The following IL18R1 variants were observed in gnomAD, a reference collection of about 807,000 sequenced individuals.
The protein encoded by IL18R1 is interleukin-18 receptor 1.
In IL18R1, 40 loss-of-function variants were observed where a neutral mutation model predicts 48.5. The observed-to-expected ratio is 0.82, with a 90% CI of 0.64 to 1.07. The LOEUF (loss-of-function observed/expected upper bound fraction) is 1.07, where lower values mean the gene tolerates loss of function less well. Among genes scored for constraint, IL18R1 ranks in the 50% least tolerant of loss-of-function variants. IL18R1 has a pLI of 0.00. For synonymous variants in IL18R1, 232 were observed against 225.9 expected (o/e 1.03, Z -0.24); for missense variants, 596 against 633.7 (o/e 0.94, Z 0.64).
chr2:102,359,796 C>T (rs182141701), intron 1 of IL18R1, among the ~76,000 whole-genome samples: 33 of 152,324 alleles, frequency 2.2e-4, no homozygotes, highest in Admixed American at 7.2e-4. Flanking sequence ...AACTCAATCA[C>T]TGTACTGCCA....
At chr2:102,369,525 G>A (rs1268218890) in intron 3 of IL18R1, among the ~76,000 whole-genome samples, 1 of 152,164 alleles carries the variant, frequency 6.6e-6, no homozygotes, top group African/African-American at 2.4e-5. Context: ...AAGTGTTGAG[G>A]AGAGAAGCAG....
chr2:102,361,823 G>A (rs917185451), intron 1 of IL18R1, among the ~76,000 whole-genome samples: 21 of 152,128 alleles, frequency 1.4e-4, no homozygotes, highest in Admixed American at 1.4e-3. Flanking sequence ...TCCTCCACTG[G>A]GCTCAAAGTT....
Position 102,396,904 on chromosome 2 carries a change from C to T in IL18R1, c.*18C>T, listed in dbSNP as rs566560702. ...AGTCTTAATCTTCAGAAACAGTGAA[C>T]GCCAAAAAGAACTCAAGATATTCTG... On this transcript the variant is annotated 3_prime_UTR_variant, in exon 11 of 11. Transcript: ENST00000233957. The T allele has an allele frequency of 4.1e-6, 6 of 1,469,482 alleles. No individual in the cohort carries two copies. The highest frequency in any genetic ancestry group is 1.8e-4 in the Middle Eastern group (1 of 5,634). The allele number at this position is 1,469,482 out of a possible 1,614,324, so 91.0% of individuals were successfully genotyped here.
Position 102,361,230 on chromosome 2 carries a change from A to T in IL18R1, c.-28-1403A>T, listed in dbSNP as rs1678554909. On this transcript the variant is annotated intron_variant, in intron 1 of 10. Coordinates refer to ENST00000233957, the MANE Select transcript of IL18R1 (RefSeq NM_003855.5). ...AAAGAATAGGCAGAGTTAATAATAA[A>T]ATGTGTGTGGAGGTAGTGGGGGAGG... 2.6e-5 allele frequency among the ~76,000 whole-genome samples: 4 copies of T among 152,300 alleles called. No individual in the cohort carries two copies. The East Asian group carries it at 7.7e-4, about 29-fold the overall frequency.
At chr2:102,387,624 G>A (rs1359855958) in intron 8 of IL18R1, among the ~76,000 whole-genome samples, 1 of 152,226 alleles carries the variant, frequency 6.6e-6, no homozygotes, top group Non-Finnish European at 1.5e-5. Flanking sequence ...TGTGACTGGA[G>A]CCAGAAAGCT....
Position 102,390,063 on chromosome 2 carries a change from G to A in IL18R1, c.957G>A (p.Met319Ile), listed in dbSNP as rs149204147. The A allele has an allele frequency of 4.0e-5, 65 of 1,613,670 alleles. No individual in the cohort carries two copies. The African/African-American group carries it at 8.7e-4, about 22-fold the overall frequency. ...KSFILVRKAD[M>I]ADIPGHVFTR... ...TTTCCCTTTCTTTTCTAGCAGACATGGCTGATATCCCAGGCCACGTCTTCA... is the reference window on the plus strand; with the variant it reads ...TTTCCCTTTCTTTTCTAGCAGACATAGCTGATATCCCAGGCCACGTCTTCA... Residue 319 changes from methionine to isoleucine, a missense_variant, in exon 9 of 11, where the codon ATG becomes ATA. Met to Ile is a conservative substitution (Grantham distance 10). Around this residue, in one of 3 missense-constraint regions of IL18R1, gnomAD observed 57 missense variants for 88.2 expected, o/e 0.65. Transcript: ENST00000233957.
At chr2:102,378,276 G>A (rs1679711467) in intron 5 of IL18R1, among the ~76,000 whole-genome samples, 1 of 152,180 alleles carries the variant, frequency 6.6e-6, no homozygotes, top group Admixed American at 6.5e-5. Flanking sequence ...CCTTGGGTGA[G>A]TTAATTTCCT....
chr2:102,391,874 T>A (rs2105127007), intron 9 of IL18R1, among the ~76,000 whole-genome samples: 1 of 152,318 alleles, frequency 6.6e-6, no homozygotes, highest in Admixed American at 6.5e-5. Flanking sequence ...CACCCATTCA[T>A]ATCTTTTGCC....
rs1359392744 is a variant in IL18R1 at position 102,362,717 on chromosome 2, A to G, written c.57A>G (p.Ala19=). ...TLWVLISVST[A]ESCTSRPHIT... Reference sequence around the variant, plus strand: ...GGGTGCTTATATCTGTAAGCACTGCAGGTAAGTGATTATACATACTCTCAA... The same window carrying G: ...GGGTGCTTATATCTGTAAGCACTGCGGGTAAGTGATTATACATACTCTCAA... The change falls in exon 2 of 11, where the codon GCA becomes GCG. Residue 19 remains alanine (A), a splice_region_variant and synonymous_variant. Transcript: ENST00000233957. The G allele has an allele frequency of 3.2e-6, 5 of 1,570,158 alleles. No individual in the cohort carries two copies. The highest frequency in any genetic ancestry group is 1.1e-5 in the South Asian group (1 of 87,870).
At chr2:102,373,682 T>C (rs1333929423) in intron 4 of IL18R1, among the ~76,000 whole-genome samples, 2 of 152,104 alleles carry the variant, frequency 1.3e-5, no homozygotes, top group Non-Finnish European at 2.9e-5. Flanking sequence ...GTGAGTGTAG[T>C]GTGTGTATGC....
intron 5 of IL18R1, among the ~76,000 whole-genome samples, chr2:102,379,242 G>A (rs182834316): frequency 1.2e-4 from 18 of 152,122 alleles, no homozygotes; most frequent in African/African-American, 3.6e-4. Context: ...CCAGGAGTTC[G>A]GGACAGGCCT....
At position 102,371,961 on chromosome 2, in the gene IL18R1, C is replaced by T. The variant is rs1329717492; in HGVS notation, c.311C>T (p.Thr104Ile). The T allele has an allele frequency of 6.5e-7, 1 of 1,527,736 alleles. No individual in the cohort carries two copies. Among genetic ancestry groups the T allele is most frequent in the East Asian group, 2.3e-5 (1 of 43,920 alleles). 94.6% of individuals were successfully genotyped at this position (1,527,736 alleles called of 1,614,324 possible). A position where few individuals can be genotyped will look rare whatever the true frequency, so the allele number is the denominator to read the frequency against. ...ACACTTTTATTCCATAGAAATTATA[C>T]TCAGAAATGGAAATTAAATGTCATC... is the stretch of plus-strand genomic sequence containing the variant. ...GSYFFQMKNYTQKWKLNVIRR... is the reference protein window; with the variant it reads ...GSYFFQMKNYIQKWKLNVIRR... The change falls in exon 4 of 11, where the codon ACT becomes ATT. Residue 104 changes from threonine to isoleucine, a missense_variant. This residue lies in a region of IL18R1 where 360 missense variants were observed against 339.4 expected (regional missense o/e 1.06). Transcript: ENST00000233957.
intron 5 of IL18R1, among the ~76,000 whole-genome samples, chr2:102,380,256 C>A (rs1054283819): frequency 2.6e-5 from 4 of 152,206 alleles, no homozygotes; most frequent in African/African-American, 9.6e-5. Context: ...AAACTCAGGG[C>A]TGATCTGGAT....
chr2:102,379,222 T>A (rs1457326882), intron 5 of IL18R1, among the ~76,000 whole-genome samples: 1 of 151,996 alleles, frequency 6.6e-6, no homozygotes, highest in East Asian at 1.9e-4. Flanking sequence ...GGCGGATGGA[T>A]CACCTGAGGC....
chr2:102,362,754 G>T (rs752306582), intron 2 of IL18R1, 36 bp downstream of exon 2: 1 of 1,303,906 alleles, frequency 7.7e-7, no homozygotes, highest in Non-Finnish European at 1.1e-6. Context: ...CATATTTCAT[G>T]AGTAATTGAG....
At chr2:102,388,079 C>A (rs991606761) in intron 8 of IL18R1, among the ~76,000 whole-genome samples, 3 of 151,992 alleles carry the variant, frequency 2.0e-5, no homozygotes. Flanking sequence ...GCAGAGACAG[C>A]CACACACACA....
Position 102,398,144 on chromosome 2 carries a change from G to A in IL18R1, c.*1258G>A, listed in dbSNP as rs1395594104. 1 of 152,350 alleles carries A rather than the reference G, an allele frequency of 6.6e-6. No individual in the cohort carries two copies. The highest frequency in any genetic ancestry group is 1.9e-4 in the East Asian group (1 of 5,332). The allele number at this position is 152,350 out of a possible 1,614,324, so 9.4% of individuals were successfully genotyped here. ...TGATTTGAGGAGGTTTGCACATGTA[G>A]AGAAGCATACTGGAGAAGCATATCC... On this transcript the variant is annotated 3_prime_UTR_variant, in exon 11 of 11. Coordinates refer to ENST00000233957, the MANE Select transcript of IL18R1 (RefSeq NM_003855.5).
At chr2:102,376,370 T>C (rs1188973525) in intron 5 of IL18R1, among the ~76,000 whole-genome samples, 2 of 152,254 alleles carry the variant, frequency 1.3e-5, no homozygotes, top group Non-Finnish European at 2.9e-5. Flanking sequence ...ACTTTACAAG[T>C]ATTTAGTGAA....
chr2:102,361,759 G>A (rs889348336), intron 1 of IL18R1, among the ~76,000 whole-genome samples: 8 of 152,114 alleles, frequency 5.3e-5, no homozygotes, highest in Non-Finnish European at 8.8e-5. Context: ...CAAGGGATAT[G>A]GTGTTGTTTA....
Sources: allele counts gnomAD v4.1 joint callset (sites outside exome capture counted in the v4.1 genomes callset), GRCh38; gene constraint gnomAD v4.1.1; regional missense constraint gnomAD v4.1.1; transcripts MANE v1.5; gene names NCBI Gene and HGNC (gene_info 2026-07-23, HGNC 2026-07-21).